Variants in PRKCH observed in about 807,000 individuals in gnomAD.
The protein encoded by PRKCH is protein kinase C eta type.
Under a neutral mutation model 82.5 loss-of-function variants are expected in PRKCH, and 28 were observed. The ratio of observed to expected loss-of-function variants is 0.34; its 90% CI spans 0.25 to 0.47. The LOEUF is 0.47. Ranked by LOEUF, PRKCH falls within the 20% of genes least tolerant of loss-of-function variation. PRKCH has a pLI of 1.00. For synonymous variants in PRKCH, 322 were observed against 327.4 expected, an observed-to-expected ratio of 0.98 and a Z score of 0.18; for missense variants, 705 against 881.8, an observed-to-expected ratio of 0.80 and a Z score of 2.54.
intron 1 of PRKCH, among the ~76,000 whole-genome samples, chr14:61,374,697 A>T (rs926891670): frequency 6.6e-6 from 1 of 152,028 alleles, no homozygotes; most frequent in African/African-American, 2.4e-5. Flanking sequence ...GCTGGGACAC[A>T]GGATGTCAGG....
chr14:61,241,064 G>A (rs1231990865), intron 1 of PRKCH, among the ~76,000 whole-genome samples: 2 of 152,192 alleles, frequency 1.3e-5, no homozygotes, highest in Non-Finnish European at 2.9e-5. Flanking sequence ...GCAAGTCTGG[G>A]TCTCTGGGAT....
chr14:61,279,998 G>A lies in PRKCH; in HGVS notation c.-19+92330G>A, dbSNP rs920351967. On this transcript the variant is annotated intron_variant, in intron 1 of 3. Transcript: ENST00000555185. ...TTCACAAAGGGAGGAAAAGCTAGGC[G>A]AGGTTGGAATTGGGTGACGGGCGAG... The A allele has an allele frequency of 6.4e-6, 7 of 1,086,474 alleles. No individual in the cohort carries two copies. In the South Asian group the frequency reaches 9.9e-5, roughly 15 times the overall value. The allele number at this position is 1,086,474 out of a possible 1,614,324, so 67.3% of individuals were successfully genotyped here. A position where few individuals can be genotyped will look rare whatever the true frequency, so the allele number is the denominator to read the frequency against.
At chr14:61,224,033 C>G (rs764665555) in intron 1 of PRKCH, among the ~76,000 whole-genome samples, 5 of 152,188 alleles carry the variant, frequency 3.3e-5, no homozygotes, top group Non-Finnish European at 7.3e-5. Flanking sequence ...GCAGATAATA[C>G]AGTCATATGT....
chr14:61,430,968 AT>A (rs1883361189), intron 2 of PRKCH, among the ~76,000 whole-genome samples: 4 of 152,264 alleles, frequency 2.6e-5, no homozygotes, highest in Middle Eastern at 3.4e-3. Flanking sequence ...GTTGGCCAGG[AT>A]GGTCTGGATC....
intron 1 of PRKCH, among the ~76,000 whole-genome samples, chr14:61,325,027 T>C (rs1403022521): frequency 1.3e-5 from 2 of 152,192 alleles, no homozygotes; most frequent in African/African-American, 4.8e-5. Flanking sequence ...GGATTCAATA[T>C]GGTTAAGATC....
chr14:61,532,111 G>A (rs1390635673), intron 12 of PRKCH, among the ~76,000 whole-genome samples: 5 of 152,166 alleles, frequency 3.3e-5, no homozygotes, highest in Admixed American at 3.3e-4. Context: ...TCTGTGGCCT[G>A]CAACAGCCAC....
At chr14:61,277,132 G>A (rs566092133) in intron 1 of PRKCH, among the ~76,000 whole-genome samples, 41 of 152,224 alleles carry the variant, frequency 2.7e-4, no homozygotes, top group Non-Finnish European at 4.0e-4. Context: ...GTTGCAGTGA[G>A]CCGAGGTTGC....
chr14:61,379,849 C>G (rs1163369168), intron 1 of PRKCH, among the ~76,000 whole-genome samples: 2 of 152,146 alleles, frequency 1.3e-5, no homozygotes, highest in Non-Finnish European at 2.9e-5. Flanking sequence ...CTGGAAGGGT[C>G]TACTTAGCAG....
At chr14:61,387,328 A>G (rs1188023452) in intron 1 of PRKCH, among the ~76,000 whole-genome samples, 5 of 152,200 alleles carry the variant, frequency 3.3e-5, no homozygotes, top group African/African-American at 9.7e-5. Context: ...TCACATGTCC[A>G]CTCTGGAGTT....
rs1886984651 is a variant in PRKCH, at chr14:61,502,956, GT to G, written c.1433+17302del. Among the ~76,000 whole-genome samples, 3 of 150,630 alleles carry G rather than the reference GT, an allele frequency of 2.0e-5. 1 individual carries two copies. In the South Asian group the frequency reaches 6.3e-4, roughly 32 times the overall value. On this transcript the variant is annotated intron_variant, in intron 10 of 13. Transcript: ENST00000332981. ...TGGGGGATGTGTGGCTCTTGGGTTG[GT>G]TCTTGAAGGAAAGGAATGAATGTAA...
At chr14:61,351,203 G>A (rs1404064764) in intron 1 of PRKCH, among the ~76,000 whole-genome samples, 1 of 152,224 alleles carries the variant, frequency 6.6e-6, no homozygotes. Context: ...AGCATCAGGT[G>A]TGCTGATGCA....
chr14:61,519,740 T>C (rs2042878090), intron 10 of PRKCH, among the ~76,000 whole-genome samples: 1 of 152,218 alleles, frequency 6.6e-6, no homozygotes, highest in African/African-American at 2.4e-5. Flanking sequence ...GGAATGCTGC[T>C]GCTTTTAGTA....
At chr14:61,318,365 G>GTTTTT (rs77878429), upstream of PRKCH, among the ~76,000 whole-genome samples, 9 of 126,326 alleles carry the variant, frequency 7.1e-5, no homozygotes, top group South Asian at 2.6e-4. Flanking sequence ...GTTTTAAAAA[G>GTTTTT]TTTTTTTTTT....
At chr14:61,373,426 A>C (rs1050823228) in intron 1 of PRKCH, among the ~76,000 whole-genome samples, 10 of 151,942 alleles carry the variant, frequency 6.6e-5, no homozygotes, top group Admixed American at 6.5e-4. Flanking sequence ...GCAAGGGGGA[A>C]GTCTGCTTCC....
chr14:61,248,163 A>T (rs138443862), intron 1 of PRKCH, among the ~76,000 whole-genome samples: 2 of 152,122 alleles, frequency 1.3e-5, no homozygotes, highest in African/African-American at 4.8e-5. Context: ...AATATCCTCT[A>T]GATGTCTTTA....
intron 2 of PRKCH, among the ~76,000 whole-genome samples, chr14:61,418,164 C>T (rs1029859788): frequency 3.9e-5 from 6 of 152,182 alleles, no homozygotes; most frequent in Admixed American, 1.3e-4. Flanking sequence ...ACTGCACGTA[C>T]GATGTAAGTG....
chr14:61,287,755 A>T (rs542368645), intron 1 of PRKCH, among the ~76,000 whole-genome samples: 1 of 151,762 alleles, frequency 6.6e-6, no homozygotes, highest in African/African-American at 2.4e-5. Flanking sequence ...CAGTGTGGCC[A>T]GTGAGAGGGG....
rs116364635 is a variant in PRKCH, at chr14:61,489,817, T to C, written c.1433+4161T>C. Among the ~76,000 whole-genome samples the C allele has an allele frequency of 1.2e-3, 184 of 152,334 alleles. 1 individual carries two copies. The highest frequency in any genetic ancestry group is 4.2e-3 in the African/African-American group (173 of 41,582). ...AGTAAGGGAAACAAAGGGGCATGCA[T>C]CCCATTGACCAGACATCTTTCAGCA... On this transcript the variant is annotated intron_variant, in intron 10 of 13. Transcript: ENST00000332981.
At chr14:61,391,657 G>A (rs2046684119) in intron 2 of PRKCH, among the ~76,000 whole-genome samples, 1 of 152,074 alleles carries the variant, frequency 6.6e-6, no homozygotes, top group African/African-American at 2.4e-5. Context: ...AAGAAATTTA[G>A]GGATCCAGTT....
Sources: allele counts gnomAD v4.1 joint callset (sites outside exome capture counted in the v4.1 genomes callset), GRCh38; gene constraint gnomAD v4.1.1; transcripts MANE v1.5; gene names NCBI Gene and HGNC (gene_info 2026-07-23, HGNC 2026-07-21).